Variants in SEC14L5 observed in about 807,000 individuals in gnomAD.
The protein encoded by SEC14L5 is SEC14 like lipid binding 5.
In SEC14L5, 96 loss-of-function variants were observed where a neutral mutation model predicts 84.6. That is an observed-to-expected ratio of 1.13 (90% CI 0.96 to 1.34). SEC14L5 has a LOEUF of 1.34. SEC14L5 is among the 40% of genes most tolerant of loss of function. The pLI, the probability that SEC14L5 is intolerant of heterozygous loss-of-function variation, is 0.00. For synonymous variants in SEC14L5, 546 were observed against 383.4 expected (o/e 1.42, Z -4.95); for missense variants, 1,224 against 942.5 (o/e 1.30, Z -3.91).
intron 2 of SEC14L5, among the ~76,000 whole-genome samples, chr16:4,980,200 C>T (rs1955404381): frequency 6.6e-6 from 1 of 152,218 alleles, no homozygotes; most frequent in African/African-American, 2.4e-5. Flanking sequence ...TTATAAAGTC[C>T]TTAACAACAG....
In SEC14L5 at chr16:4,987,499, G is replaced by GA. The variant is rs1555529514; in HGVS notation, c.64-58_64-57insA. 2,609 of 1,290,784 alleles carry GA rather than the reference G, an allele frequency of 2.0e-3. 13 individuals carry two copies. Among genetic ancestry groups the GA allele is most frequent in the South Asian group, 2.6e-3 (170 of 64,938 alleles). The allele number at this position is 1,290,784 out of a possible 1,614,324, so 80.0% of individuals were successfully genotyped here. ...CACAGCAGATAAGGAGGTCGCGCTG[G>GA]GGGGGGGGGTCCCTCTGCCCCCCCC... is the stretch of plus-strand genomic sequence containing the variant. On this transcript the variant is annotated intron_variant, in intron 2 of 15. Transcript: ENST00000251170.
At chr16:5,007,919 T>C (rs1339557655) in intron 13 of SEC14L5, among the ~76,000 whole-genome samples, 1 of 148,030 alleles carries the variant, frequency 6.8e-6, no homozygotes, top group Non-Finnish European at 1.5e-5. Flanking sequence ...TTTTTTTTTT[T>C]TTTTTTGAGA....
At chr16:4,987,497 T>TGCG (rs1555529518) in intron 2 of SEC14L5, 60 bp from the exon 3 acceptor site, 2 of 1,140,756 alleles carry the variant, frequency 1.8e-6, no homozygotes, top group Non-Finnish European at 2.4e-6. Flanking sequence ...GAGGTCGCGC[T>TGCG]GGGGGGGGGG....
intron 2 of SEC14L5, 91 bp from the exon 3 acceptor site, chr16:4,987,466 A>G: frequency 9.6e-6 from 11 of 1,147,452 alleles, no homozygotes; most frequent in Non-Finnish European, 1.3e-5. Flanking sequence ...TTCCCGTCTG[A>G]TAAGTGACAC....
At chr16:4,986,220 A>T (rs371017180) in intron 2 of SEC14L5, among the ~76,000 whole-genome samples, 1 of 150,716 alleles carries the variant, frequency 6.6e-6, no homozygotes. Context: ...GCTCACTGAA[A>T]CCTCTGCTTC....
rs1955608838 is a variant in SEC14L5 at position 4,996,377 on chromosome 16, A to G, written c.697A>G (p.Arg233Gly). The G allele has an allele frequency of 1.3e-6, 2 of 1,564,282 alleles. No individual in the cohort carries two copies. Among genetic ancestry groups the G allele is most frequent in the East Asian group, 4.8e-5 (2 of 41,702 alleles). The change falls in exon 7 of 16, where the codon AGG (arginine) becomes GGG (glycine). Residue 233 changes from arginine (R) to glycine (G), a missense_variant. Arg to Gly is a moderately radical substitution (Grantham distance 125). Transcript: ENST00000251170. The part of the protein sequence containing the change: ...GDKLDADYIE[R>G]CLGHLTPMQE... The stretch of plus-strand genomic sequence containing the variant: ...CAAGCTGGATGCGGACTACATTGAG[A>G]GGTGCCTGGGCCACCTCACGCCCAT...
At chr16:4,960,330 A>G (rs1359043522) in intron 2 of SEC14L5, among the ~76,000 whole-genome samples, 1 of 152,072 alleles carries the variant, frequency 6.6e-6, no homozygotes, top group Non-Finnish European at 1.5e-5. Context: ...CTGTTATTAC[A>G]CCGAAGTCTT....
intron 11 of SEC14L5, among the ~76,000 whole-genome samples, chr16:5,004,127 A>C (rs575509052): frequency 1.3e-5 from 2 of 151,890 alleles, no homozygotes; most frequent in East Asian, 3.9e-4. Context: ...GTGGCTGAGC[A>C]AAAAAGAGCA....
intron 3 of SEC14L5, among the ~76,000 whole-genome samples, 158 bp from the exon 4 acceptor site, chr16:4,987,991 G>T (rs1375815981): frequency 6.6e-6 from 1 of 152,044 alleles, no homozygotes; most frequent in African/African-American, 2.4e-5. Flanking sequence ...GCGGAAGTCG[G>T]GGGTTGGTGT....
intron 2 of SEC14L5, among the ~76,000 whole-genome samples, chr16:4,981,121 T>C (rs1386943988): frequency 6.6e-6 from 1 of 151,994 alleles, no homozygotes; most frequent in Non-Finnish European, 1.5e-5. Context: ...CTTTCTTTCT[T>C]TATTTATTTA....
chr16:5,001,228 C>T (rs898544625), intron 10 of SEC14L5, among the ~76,000 whole-genome samples: 1 of 151,164 alleles, frequency 6.6e-6, no homozygotes, highest in African/African-American at 2.4e-5. Context: ...TCCCACTCCA[C>T]TCAACAGTCT....
At chr16:5,011,295 G>C (rs754944205) in intron 15 of SEC14L5, 22 bp downstream of exon 15, 2 of 1,605,770 alleles carry the variant, frequency 1.2e-6, no homozygotes, top group Non-Finnish European at 1.7e-6. Context: ...CCGGAGCGGG[G>C]TCCTGGGCAG....
chr16:5,001,832 G>A (rs1304250503), intron 10 of SEC14L5, among the ~76,000 whole-genome samples: 2 of 152,052 alleles, frequency 1.3e-5, no homozygotes, highest in Non-Finnish European at 2.9e-5. Flanking sequence ...GAGTGCAGTG[G>A]TGCAATCACA....
intron 6 of SEC14L5, among the ~76,000 whole-genome samples, chr16:4,993,188 GCACAGGCCAC>G (rs1955570709): frequency 6.6e-6 from 1 of 151,692 alleles, no homozygotes; most frequent in Admixed American, 6.6e-5. Flanking sequence ...GACTATATAG[GCACAGGCCAC>G]CATGTCTAGA....
At chr16:4,973,775 C>T (rs148709220) in intron 2 of SEC14L5, among the ~76,000 whole-genome samples, 415 of 151,638 alleles carry the variant, frequency 2.7e-3, no homozygotes, top group African/African-American at 9.6e-3. Context: ...CTCCACCTCC[C>T]GGGTTCAAAC....
rs560566598 is a variant in SEC14L5, at chr16:5,000,594, C to A, written c.971-61C>A. On this transcript the variant is annotated intron_variant, in intron 8 of 15. Coordinates refer to ENST00000251170, the MANE Select transcript of SEC14L5 (RefSeq NM_014692.2). ...AGCTCTCACCTGCAGCTGTGACCTG[C>A]CCCTCGGAAGCAGTCCTCTAAATAA... The A allele has an allele frequency of 1.5e-5, 19 of 1,298,120 alleles. No individual in the cohort carries two copies. The South Asian group carries it at 2.3e-4, about 16-fold the overall frequency. The allele number at this position is 1,298,120 out of a possible 1,614,324, so 80.4% of individuals were successfully genotyped here.
chr16:5,003,439 A>G lies in SEC14L5; in HGVS notation c.1168A>G (p.Met390Val), dbSNP rs1596640045. 1.2e-6 allele frequency: 2 copies of G among 1,613,504 alleles called. No individual in the cohort carries two copies. The highest frequency in any genetic ancestry group is 1.1e-5 in the South Asian group (1 of 91,072). ...TCLLDLEGLN[M>V]RHLWRPGVKA... The stretch of plus-strand genomic sequence containing the variant: ...CCTGCTAGACCTGGAGGGACTCAAC[A>G]TGCGGCACCTGTGGCGGCCGGGGGT... The change falls in exon 11 of 16, where the codon ATG becomes GTG. Residue 390 changes from methionine (M) to valine (V), a missense_variant. Physicochemically the swap from Met to Val is conservative, Grantham distance 21. Coordinates refer to ENST00000251170, the MANE Select transcript of SEC14L5 (RefSeq NM_014692.2).
At chr16:4,976,799 A>G (rs1186167526) in intron 2 of SEC14L5, among the ~76,000 whole-genome samples, 1 of 152,168 alleles carries the variant, frequency 6.6e-6, no homozygotes, top group Non-Finnish European at 1.5e-5. Flanking sequence ...CTGTAACTGA[A>G]TCCTTCTGTG....
At chr16:4,985,265 G>A (rs537690643) in intron 2 of SEC14L5, among the ~76,000 whole-genome samples, 1 of 152,000 alleles carries the variant, frequency 6.6e-6, no homozygotes, top group South Asian at 2.1e-4. Context: ...TGCTCTTGTC[G>A]CCCAGGCTGG....
Sources: allele counts gnomAD v4.1 joint callset (sites outside exome capture counted in the v4.1 genomes callset), GRCh38; gene constraint gnomAD v4.1.1; transcripts MANE v1.5; gene names NCBI Gene and HGNC (gene_info 2026-07-23, HGNC 2026-07-21).